The following SPATS2 variants were observed in gnomAD, a reference collection of about 807,000 sequenced individuals.
SPATS2 encodes the protein spermatogenesis associated serine rich 2, also known as spermatogenesis-associated serine-rich protein 2.
SPATS2 carries 38 observed loss-of-function variants against 63.7 expected under a neutral mutation model. The ratio of observed to expected loss-of-function variants is 0.60; its 90% CI spans 0.46 to 0.78. The LOEUF is 0.78. Ranked by LOEUF, SPATS2 falls within the 30% of genes least tolerant of loss-of-function variation. The pLI, the probability that SPATS2 is intolerant of heterozygous loss-of-function variation, is 0.00. For synonymous variants in SPATS2, 207 were observed against 232.9 expected (o/e 0.89, Z 1.01); for missense variants, 588 against 666.2 (o/e 0.88, Z 1.29).
At chr12:49,451,795 G>T (rs1279938626) in intron 2 of SPATS2, among the ~76,000 whole-genome samples, 1 of 152,214 alleles carries the variant, frequency 6.6e-6, no homozygotes, top group Non-Finnish European at 1.5e-5. Context: ...TTTCTTGTAA[G>T]TCAGGTTTGC....
At position 49,477,953 on chromosome 12, in the gene SPATS2, T is replaced by G. The variant is rs536914740; in HGVS notation, c.26-6637T>G. Among the ~76,000 whole-genome samples, 297 of 150,238 alleles carry G rather than the reference T, an allele frequency of 2.0e-3. 7 individuals are homozygous for G. The South Asian group carries it at 0.059, about 30-fold the overall frequency. ...TGGCATCTTTAGTTTTTGGTTTTTG[T>G]GGTTTTGTCTTTTTTTTTTTTTTTT... is the stretch of plus-strand genomic sequence containing the variant. On this transcript the variant is annotated intron_variant, in intron 3 of 13. Coordinates refer to ENST00000552918, the MANE Select transcript of SPATS2 (RefSeq NM_023071.4).
At chr12:49,510,086 C>T (rs1057110946) in intron 9 of SPATS2, among the ~76,000 whole-genome samples, 2 of 151,478 alleles carry the variant, frequency 1.3e-5, no homozygotes, top group East Asian at 1.9e-4. Context: ...GTGAGACCCC[C>T]GCCTCTATAA....
chr12:49,413,220 G>A (rs1944828304), intron 2 of SPATS2, among the ~76,000 whole-genome samples: 2 of 152,038 alleles, frequency 1.3e-5, no homozygotes, highest in African/African-American at 4.8e-5. Flanking sequence ...CTAGAGATAT[G>A]TTGATGGCTT....
Position 49,526,195 on chromosome 12 carries a change from C to T in SPATS2, c.1578C>T (p.Phe526=). 1.9e-6 allele frequency: 3 copies of T among 1,613,948 alleles called. No individual in the cohort carries two copies. The highest frequency in any genetic ancestry group is 1.3e-5 in the African/African-American group (1 of 75,042). The change falls in exon 14 of 14, where the codon TTC becomes TTT. Residue 526 remains phenylalanine (F), a synonymous_variant. Transcript: ENST00000552918. ...SMEPSPPTPS[F]KKGLPQRKPR... is the part of the protein sequence containing the mutation. ...AGCCCAGCCCTCCCACGCCTTCATT[C>T]AAAAAGGGGCTCCCCCAGCGCAAAC...
intron 3 of SPATS2, 83 bp downstream of exon 3, chr12:49,461,120 T>C: frequency 6.9e-7 from 1 of 1,446,058 alleles, no homozygotes; most frequent in South Asian, 1.2e-5. Context: ...AAACTGTCCT[T>C]CTAATGTGTT....
At chr12:49,425,703 C>T (rs761666905) in intron 2 of SPATS2, among the ~76,000 whole-genome samples, 19 of 151,976 alleles carry the variant, frequency 1.3e-4, no homozygotes, top group Non-Finnish European at 2.5e-4. Flanking sequence ...GATCTCAGCT[C>T]ACTGCATCCT....
rs567035593 is a variant in SPATS2 at position 49,405,433 on chromosome 12, C to T, written c.-244+34143C>T. 3.0e-3 allele frequency among the ~76,000 whole-genome samples: 451 copies of T among 152,266 alleles called. 1 individual carries two copies. Among genetic ancestry groups the T allele is most frequent in the Admixed American group, 3.8e-3 (58 of 15,286 alleles). ...TGAGCTTGGGCTGGGCACCGTGGCT[C>T]ACGCCTGAATTTGCAGCACTTTGGG... is the stretch of plus-strand genomic sequence containing the variant. On this transcript the variant is annotated intron_variant, in intron 2 of 13. Transcript: ENST00000552918.
chr12:49,448,227 T>G (rs1409079366), intron 2 of SPATS2, among the ~76,000 whole-genome samples: 2 of 150,518 alleles, frequency 1.3e-5, no homozygotes, highest in Non-Finnish European at 3.0e-5. Flanking sequence ...AAGCTCTGCC[T>G]CCTGGGTTCA....
At chr12:49,378,148 T>G (rs1944142081) in intron 2 of SPATS2, among the ~76,000 whole-genome samples, 1 of 151,660 alleles carries the variant, frequency 6.6e-6, no homozygotes, top group Non-Finnish European at 1.5e-5. Context: ...AATTTTTGTA[T>G]TTTTAGTAGA....
At chr12:49,468,130 C>T (rs1945959842) in intron 3 of SPATS2, among the ~76,000 whole-genome samples, 6 of 141,184 alleles carry the variant, frequency 4.2e-5, no homozygotes, top group South Asian at 2.3e-4. Flanking sequence ...TCTTCTTTTT[C>T]TTTCACTCTT....
chr12:49,502,957 A>G (rs1946589480), intron 9 of SPATS2, among the ~76,000 whole-genome samples: 1 of 152,172 alleles, frequency 6.6e-6, no homozygotes, highest in South Asian at 2.1e-4. Flanking sequence ...TCTGGAAATT[A>G]TTTTAGGTAA....
intron 2 of SPATS2, among the ~76,000 whole-genome samples, chr12:49,458,509 G>C (rs966065927): frequency 3.6e-4 from 54 of 151,950 alleles, no homozygotes; most frequent in Non-Finnish European, 2.1e-4. Flanking sequence ...GCCAGGAGCA[G>C]TGGCTCACGC....
chr12:49,461,718 T>C (rs1945825258), intron 3 of SPATS2, among the ~76,000 whole-genome samples: 1 of 152,228 alleles, frequency 6.6e-6, no homozygotes. Context: ...AAAGCAAAGC[T>C]ATTCATAGAT....
chr12:49,516,726 A>G (rs1946857813), intron 10 of SPATS2, among the ~76,000 whole-genome samples: 1 of 151,994 alleles, frequency 6.6e-6, no homozygotes, highest in Non-Finnish European at 1.5e-5. Flanking sequence ...AAAAAAAAGA[A>G]AAGAAAAGAA....
intron 2 of SPATS2, among the ~76,000 whole-genome samples, chr12:49,433,949 T>A (rs1945229130): frequency 6.6e-6 from 1 of 152,182 alleles, no homozygotes; most frequent in African/African-American, 2.4e-5. Flanking sequence ...TTGAGTTAAT[T>A]TTTGTGTATG....
At chr12:49,374,655 T>C (rs888936725) in intron 2 of SPATS2, among the ~76,000 whole-genome samples, 1 of 152,090 alleles carries the variant, frequency 6.6e-6, no homozygotes, top group Non-Finnish European at 1.5e-5. Context: ...CTATGACTAA[T>C]TTGTGGTTAA....
chr12:49,389,406 G>A, intron 2 of SPATS2: 1 of 583,414 alleles, frequency 1.7e-6, no homozygotes, highest in Non-Finnish European at 3.1e-6. Flanking sequence ...CAGATTAGGG[G>A]CGCGGAGTCT....
Position 49,516,205 on chromosome 12 carries a change from A to G in SPATS2, c.898+1592A>G, listed in dbSNP as rs1202806084. 2.1e-4 allele frequency among the ~76,000 whole-genome samples: 22 copies of G among 104,562 alleles called. 1 individual carries two copies. In the South Asian group the frequency reaches 7.3e-3, roughly 34 times the overall value. 68.6% of individuals were successfully genotyped at this position (104,562 alleles called of 152,430 possible). A position where few individuals can be genotyped will look rare whatever the true frequency, so the allele number is the denominator to read the frequency against. On this transcript the variant is annotated intron_variant, in intron 10 of 13. Transcript: ENST00000552918. ...TATATATATATATATATATATATAT[A>G]TATAAATCAGGCATGGGGTCATGTG...
At chr12:49,448,429 A>G (rs1339588605) in intron 2 of SPATS2, among the ~76,000 whole-genome samples, 5 of 151,620 alleles carry the variant, frequency 3.3e-5, no homozygotes, top group East Asian at 1.9e-4. Flanking sequence ...GTGAGCCACC[A>G]CGCCTGGCTA....
Sources: allele counts gnomAD v4.1 joint callset (sites outside exome capture counted in the v4.1 genomes callset), GRCh38; gene constraint gnomAD v4.1.1; transcripts MANE v1.5; gene names NCBI Gene and HGNC (gene_info 2026-07-23, HGNC 2026-07-21).